The following DLC1 variants were observed in gnomAD, a reference collection of about 807,000 sequenced individuals.
DLC1 encodes DLC1 Rho GTPase activating protein, also known as rho GTPase-activating protein 7.
A neutral mutation model predicts 140.3 loss-of-function variants in DLC1; 54 were observed. That is an observed-to-expected ratio of 0.38 (90% CI 0.31 to 0.48). The LOEUF is 0.48. DLC1 is among the 20% of genes least tolerant of loss of function. DLC1 has a pLI of 0.96. For missense variants in DLC1, 2,536 were observed against 1,907.0 expected, an observed-to-expected ratio of 1.33 and a Z score of -6.14; for synonymous variants, 986 against 728.1, an observed-to-expected ratio of 1.35 and a Z score of -5.70.
intron 2 of DLC1, among the ~76,000 whole-genome samples, chr8:13,483,224 T>C (rs1800818164): frequency 6.6e-6 from 1 of 152,212 alleles, no homozygotes; most frequent in South Asian, 2.1e-4. Flanking sequence ...TGTCATTAGA[T>C]TGAGGGTCCA....
intron 2 of DLC1, among the ~76,000 whole-genome samples, chr8:13,452,301 A>G (rs1204257513): frequency 6.6e-6 from 1 of 152,096 alleles, no homozygotes; most frequent in Non-Finnish European, 1.5e-5. Context: ...ATACTTGCCT[A>G]TAGCTCCACT....
intron 4 of DLC1, among the ~76,000 whole-genome samples, chr8:13,337,722 C>G (rs73564699): frequency 6.6e-6 from 1 of 152,100 alleles, no homozygotes; most frequent in African/African-American, 2.4e-5. Flanking sequence ...TCTTTCCCAT[C>G]CGTTTTGGTA....
At chr8:13,552,226 GAT>G (rs140356261) in intron 1 of DLC1, among the ~76,000 whole-genome samples, 17 of 135,790 alleles carry the variant, frequency 1.3e-4, no homozygotes, top group South Asian at 2.3e-4. Flanking sequence ...TGTCTAGACA[GAT>G]ATATATATAT....
chr8:13,100,368 C>G lies in DLC1; in HGVS notation c.1969G>C (p.Glu657Gln). 7.4e-6 allele frequency: 12 copies of G among 1,614,172 alleles called. No homozygotes were observed. Among genetic ancestry groups the G allele is most frequent in the Non-Finnish European group, 1.0e-5 (12 of 1,180,030 alleles). Residue 657 changes from glutamate to glutamine, a missense_variant, in exon 9 of 18, where the codon GAA becomes CAA. Transcript: ENST00000276297. ...CGCGTCTTGGACTTGGCAGTTTTTT[C>G]GTGGCCTTTCATGCTGAAGCTGAAG... ...SSFSFSMKGH[E>Q]KTAKSKTRSL...
At chr8:13,533,278 C>A (rs1056893901) in intron 1 of DLC1, among the ~76,000 whole-genome samples, 2 of 151,584 alleles carry the variant, frequency 1.3e-5, no homozygotes, top group East Asian at 3.9e-4. Flanking sequence ...TTGAGTATTT[C>A]CTGAATTTTT....
At chr8:13,417,493 G>C (rs1356987633) in intron 2 of DLC1, among the ~76,000 whole-genome samples, 1 of 151,678 alleles carries the variant, frequency 6.6e-6, no homozygotes. Context: ...AGTTTACTGA[G>C]AATGATGATT....
intron 5 of DLC1, among the ~76,000 whole-genome samples, chr8:13,239,111 C>T (rs998468702): frequency 1.1e-4 from 16 of 152,120 alleles, no homozygotes; most frequent in African/African-American, 3.4e-4. Flanking sequence ...TTTGAGTGTG[C>T]GTATCTGGGG....
intron 5 of DLC1, among the ~76,000 whole-genome samples, chr8:13,186,456 T>C (rs1826373599): frequency 6.6e-6 from 1 of 152,218 alleles, no homozygotes; most frequent in Admixed American, 6.5e-5. Context: ...TTGAAGCTTG[T>C]GCATGTGTCA....
intron 2 of DLC1, among the ~76,000 whole-genome samples, chr8:13,480,714 G>T (rs1009039784): frequency 6.6e-6 from 1 of 152,110 alleles, no homozygotes; most frequent in Non-Finnish European, 1.5e-5. Flanking sequence ...GACCAGCCTC[G>T]CCAACAGGGT....
chr8:13,467,794 T>A (rs532994493), intron 2 of DLC1, among the ~76,000 whole-genome samples: 2 of 152,306 alleles, frequency 1.3e-5, no homozygotes, highest in South Asian at 4.1e-4. Context: ...TCTCTTCATA[T>A]GATCATAAAT....
At chr8:13,293,523 C>A (rs781437598) in intron 5 of DLC1, among the ~76,000 whole-genome samples, 6 of 152,116 alleles carry the variant, frequency 3.9e-5, no homozygotes, top group Non-Finnish European at 4.4e-5. Context: ...GTTTCATCTG[C>A]CAAATAAACA....
intron 5 of DLC1, among the ~76,000 whole-genome samples, chr8:13,142,066 T>C (rs1258418429): frequency 6.6e-6 from 1 of 152,186 alleles, no homozygotes; most frequent in African/African-American, 2.4e-5. Context: ...GTTTTATAAA[T>C]GGTAGCTTTT....
At chr8:13,432,942 C>CTTTTTTTTTT (rs35776848) in intron 2 of DLC1, among the ~76,000 whole-genome samples, 2 of 93,018 alleles carry the variant, frequency 2.2e-5, no homozygotes, top group African/African-American at 4.0e-5. Flanking sequence ...TCCTCTCTTC[C>CTTTTTTTTTT]TTTTTTTTTT....
At chr8:13,536,546 C>T (rs906176166) in intron 1 of DLC1, among the ~76,000 whole-genome samples, 3 of 152,134 alleles carry the variant, frequency 2.0e-5, no homozygotes, top group African/African-American at 7.2e-5. Flanking sequence ...CTCTCATCTC[C>T]TATTTTAGAA....
intron 5 of DLC1, among the ~76,000 whole-genome samples, chr8:13,209,665 A>T (rs1400201814): frequency 6.6e-6 from 1 of 151,990 alleles, no homozygotes; most frequent in Admixed American, 6.6e-5. Context: ...TCCTCTTGGT[A>T]CTGTCCTCGT....
intron 1 of DLC1, among the ~76,000 whole-genome samples, chr8:13,572,158 C>T (rs531521747): frequency 4.0e-5 from 6 of 149,694 alleles, no homozygotes; most frequent in Non-Finnish European, 8.9e-5. Context: ...GGCACGATCT[C>T]GCCTCACTGC....
chr8:13,165,702 C>G (rs774392476), intron 5 of DLC1, among the ~76,000 whole-genome samples: 1 of 152,204 alleles, frequency 6.6e-6, no homozygotes. Context: ...ATCAAAACAT[C>G]GGCCTCTACA....
At chr8:13,566,628 T>G (rs1195000292) in intron 1 of DLC1, among the ~76,000 whole-genome samples, 1 of 152,204 alleles carries the variant, frequency 6.6e-6, no homozygotes, top group Non-Finnish European at 1.5e-5. Context: ...CTCACACACG[T>G]GTGCCACCTG....
chr8:13,558,064 C>G (rs1804114354), intron 1 of DLC1: 1 of 152,158 alleles, frequency 6.6e-6, no homozygotes. Flanking sequence ...GTGGTTAAAA[C>G]TGGCCTTAGA....
Sources: allele counts gnomAD v4.1 joint callset (sites outside exome capture counted in the v4.1 genomes callset), GRCh38; gene constraint gnomAD v4.1.1; transcripts MANE v1.5; gene names NCBI Gene and HGNC (gene_info 2026-07-23, HGNC 2026-07-21).